The following ERBB4 variants were observed in gnomAD, a reference collection of about 807,000 sequenced individuals.
ERBB4 encodes receptor tyrosine-protein kinase erbB-4.
A neutral mutation model predicts 158.0 loss-of-function variants in ERBB4; 42 were observed. The ratio of observed to expected loss-of-function variants is 0.27; its 90% confidence interval spans 0.21 to 0.34. The LOEUF (loss-of-function observed/expected upper bound fraction) is 0.34, where lower values mean the gene tolerates loss of function less well. ERBB4 is among the 10% of genes least tolerant of loss of function. The pLI, the probability that ERBB4 is intolerant of heterozygous loss-of-function variation, is 1.00. For synonymous variants in ERBB4, 583 were observed against 558.7 expected, an observed-to-expected ratio of 1.04 and a Z score of -0.61; for missense variants, 1,333 against 1,624.1, an observed-to-expected ratio of 0.82 and a Z score of 3.08.
At chr2:212,147,851 T>C (rs1210203060) in intron 1 of ERBB4, among the ~76,000 whole-genome samples, 1 of 152,206 alleles carries the variant, frequency 6.6e-6, no homozygotes, top group African/African-American at 2.4e-5. Flanking sequence ...AGTTTCTTCA[T>C]ATTTGCAATT....
chr2:211,386,360 A>G (rs1459958262), intron 27 of ERBB4, among the ~76,000 whole-genome samples: 1 of 152,144 alleles, frequency 6.6e-6, no homozygotes, highest in Non-Finnish European at 1.5e-5. Context: ...AGAACATAAT[A>G]TTTTCCTATA....
intron 1 of ERBB4, among the ~76,000 whole-genome samples, chr2:212,236,163 T>G (rs2083865094): frequency 6.6e-6 from 1 of 152,056 alleles, no homozygotes; most frequent in Non-Finnish European, 1.5e-5. Context: ...TTATTGAGAG[T>G]TTTTAGTATG....
chr2:212,176,380 T>C (rs565380368), intron 1 of ERBB4, among the ~76,000 whole-genome samples: 67 of 151,990 alleles, frequency 4.4e-4, no homozygotes, highest in African/African-American at 1.6e-3. Context: ...ATTAATGTCC[T>C]TACAGGAGAA....
intron 25 of ERBB4, among the ~76,000 whole-genome samples, chr2:211,407,694 C>T (rs1174575422): frequency 3.9e-5 from 6 of 152,166 alleles, no homozygotes; most frequent in African/African-American, 1.4e-4. Flanking sequence ...CACAGCCATT[C>T]ATTTACAATG....
chr2:212,245,668 C>T (rs1355520353), intron 1 of ERBB4, among the ~76,000 whole-genome samples: 1 of 152,090 alleles, frequency 6.6e-6, no homozygotes, highest in East Asian at 1.9e-4. Context: ...TCACGAAGGC[C>T]TGATATCAAC....
chr2:212,261,513 A>G (rs1279459838), intron 1 of ERBB4, among the ~76,000 whole-genome samples: 3 of 152,216 alleles, frequency 2.0e-5, no homozygotes, highest in African/African-American at 7.2e-5. Context: ...ATCCCAAAAT[A>G]GAACCCAAAT....
In ERBB4 at chr2:212,169,659, A is replaced by G. The variant is rs113298767; in HGVS notation, c.83-44756T>C. Among the ~76,000 whole-genome samples the G allele has an allele frequency of 1.5e-3, 235 of 152,220 alleles. 1 individual carries two copies. The highest frequency in any genetic ancestry group is 2.9e-3 in the Non-Finnish European group (194 of 67,994). ...GTGTTACCATCAAAATCTCATCTCA[A>G]ATTGTAATCTCCATAATTCCCGACA... On this transcript the variant is annotated intron_variant, in intron 1 of 27. Coordinates refer to ENST00000342788, the MANE Select transcript of ERBB4 (RefSeq NM_005235.3).
At chr2:212,211,050 G>A (rs1467417322) in intron 1 of ERBB4, among the ~76,000 whole-genome samples, 2 of 152,066 alleles carry the variant, frequency 1.3e-5, no homozygotes, top group Non-Finnish European at 2.9e-5. Flanking sequence ...AACCCAGTAA[G>A]CTGATGGTCA....
chr2:211,844,712 G>T (rs878927904), intron 3 of ERBB4, among the ~76,000 whole-genome samples: 14 of 152,028 alleles, frequency 9.2e-5, no homozygotes, highest in Admixed American at 4.6e-4. Context: ...GTTTAGTTTG[G>T]CTGCATTCAC....
At chr2:211,402,884 AGTT>A (rs1389214981) in intron 25 of ERBB4, among the ~76,000 whole-genome samples, 1 of 152,042 alleles carries the variant, frequency 6.6e-6, no homozygotes, top group African/African-American at 2.4e-5. Flanking sequence ...TGAAACTAGT[AGTT>A]AATTCCTGAC....
chr2:212,439,463 G>T (rs902849749), intron 1 of ERBB4, among the ~76,000 whole-genome samples: 1 of 151,876 alleles, frequency 6.6e-6, no homozygotes, highest in Non-Finnish European at 1.5e-5. Context: ...CATTGGTTAT[G>T]AATTAATGGA....
At chr2:212,379,774 T>C (rs2090442347) in intron 1 of ERBB4, among the ~76,000 whole-genome samples, 1 of 151,374 alleles carries the variant, frequency 6.6e-6, no homozygotes, top group South Asian at 2.1e-4. Context: ...TTTTCTATCA[T>C]ATATATTTTT....
chr2:211,600,210 C>T (rs1296033117), intron 19 of ERBB4, among the ~76,000 whole-genome samples: 2 of 152,160 alleles, frequency 1.3e-5, no homozygotes, highest in East Asian at 1.9e-4. Flanking sequence ...TTTTCAATTT[C>T]ATTTCCTTAT....
intron 1 of ERBB4, among the ~76,000 whole-genome samples, chr2:212,297,939 G>C (rs1389567410): frequency 6.6e-6 from 1 of 151,582 alleles, no homozygotes; most frequent in Non-Finnish European, 1.5e-5. Flanking sequence ...GTTCAATATA[G>C]TCATAAAAAT....
intron 3 of ERBB4, among the ~76,000 whole-genome samples, chr2:211,863,293 A>T (rs1026108405): frequency 6.6e-6 from 1 of 152,212 alleles, no homozygotes; most frequent in Non-Finnish European, 1.5e-5. Context: ...TGGACCAATC[A>T]GCACTCTGTA....
chr2:212,001,118 A>T (rs963151143), intron 2 of ERBB4, among the ~76,000 whole-genome samples: 2 of 152,124 alleles, frequency 1.3e-5, no homozygotes, highest in African/African-American at 2.4e-5. Context: ...TATTTTTAAC[A>T]GGTTTTGAAT....
At chr2:211,726,248 A>T (rs1463591634) in intron 5 of ERBB4, among the ~76,000 whole-genome samples, 1 of 151,988 alleles carries the variant, frequency 6.6e-6, no homozygotes, top group Admixed American at 6.6e-5. Context: ...GTTCTTGACA[A>T]TTTTGGGGGG....
At chr2:212,141,856 T>C (rs1024191494) in intron 1 of ERBB4, among the ~76,000 whole-genome samples, 1 of 152,186 alleles carries the variant, frequency 6.6e-6, no homozygotes, top group Non-Finnish European at 1.5e-5. Flanking sequence ...TTATATCAGA[T>C]ATAAAACAAT....
intron 2 of ERBB4, among the ~76,000 whole-genome samples, chr2:212,119,219 G>A (rs990059197): frequency 7.9e-5 from 12 of 152,006 alleles, no homozygotes; most frequent in South Asian, 6.2e-4. Context: ...ATTATTACCC[G>A]TTATAGCAAT....
Sources: gnomAD v4.1 joint callset for allele counts (sites outside exome capture counted in the v4.1 genomes callset) on GRCh38, gnomAD v4.1.1 for gene constraint, MANE v1.5 for transcripts, NCBI Gene and HGNC (gene_info 2026-07-23, HGNC 2026-07-21) for gene names.